NOS1AP: variants seen among roughly 807,000 people sequenced by gnomAD.
NOS1AP encodes the protein carboxyl-terminal PDZ ligand of neuronal nitric oxide synthase protein.
A neutral mutation model predicts 56.2 loss-of-function variants in NOS1AP; 21 were observed. That is an observed-to-expected ratio of 0.37 (90% CI 0.26 to 0.54). The LOEUF (loss-of-function observed/expected upper bound fraction) is 0.54. Among genes scored for constraint, NOS1AP ranks in the 20% least tolerant of loss-of-function variants. The pLI is 0.84. For missense variants in NOS1AP, 522 were observed against 657.8 expected (o/e 0.79, Z 2.26); for synonymous variants, 270 against 274.6 (o/e 0.98, Z 0.17).
At chr1:162,122,065 T>A (rs1258182490) in intron 1 of NOS1AP, among the ~76,000 whole-genome samples, 2 of 152,244 alleles carry the variant, frequency 1.3e-5, no homozygotes, top group African/African-American at 4.8e-5. Flanking sequence ...ACAAGACAAT[T>A]AATTTCAAGG....
chr1:162,298,382 C>A (rs1035572690), intron 3 of NOS1AP, among the ~76,000 whole-genome samples: 1 of 152,200 alleles, frequency 6.6e-6, no homozygotes, highest in Admixed American at 6.5e-5. Context: ...TCAGCGGATG[C>A]CATGTGGGAA....
In NOS1AP at chr1:162,365,105, T is replaced by G. The variant is rs1224357621; in HGVS notation, c.940-299T>G. On this transcript the variant is annotated intron_variant, in intron 8 of 9. Coordinates refer to ENST00000361897, the MANE Select transcript of NOS1AP (RefSeq NM_014697.3). The stretch of plus-strand genomic sequence containing the variant: ...ACGTGTGTGTGTACGTGTGTGTGTG[T>G]GGCAGGTCTAGAGGGTCGATGGCTC... 4 of 1,359,566 alleles carry G rather than the reference T, an allele frequency of 2.9e-6. No homozygotes were observed. In the African/African-American group the frequency reaches 5.9e-5, roughly 20 times the overall value. The allele number at this position is 1,359,566 out of a possible 1,614,324, so 84.2% of individuals were successfully genotyped here. A position where few individuals can be genotyped will look rare whatever the true frequency, so the allele number is the denominator to read the frequency against.
chr1:162,324,079 G>A (rs984275250), intron 4 of NOS1AP, among the ~76,000 whole-genome samples: 2 of 152,200 alleles, frequency 1.3e-5, no homozygotes, highest in African/African-American at 4.8e-5. Context: ...AGTCAAACTA[G>A]TGCCCCTAAT....
At chr1:162,154,359 C>A in intron 1 of NOS1AP, 46 bp from the exon 2 acceptor site, 1 of 1,573,192 alleles carries the variant, frequency 6.4e-7, no homozygotes, top group Non-Finnish European at 8.7e-7. Context: ...GGATTAGGGA[C>A]ACTTGCTACC....
rs1435558929 is a variant in NOS1AP at position 162,344,100 on chromosome 1, C to T, written c.595+124C>T. On this transcript the variant is annotated intron_variant, in intron 6 of 9. Transcript: ENST00000361897. ...AAGAAACATTTTATTTTTTCCGTTT[C>T]TCTCTAAATTCTAGATTCTCTTTAA... is the stretch of plus-strand genomic sequence containing the variant. 2.8e-6 allele frequency: 3 copies of T among 1,075,984 alleles called. No individual in the cohort carries two copies. The African/African-American group carries it at 4.7e-5, about 17-fold the overall frequency. The allele number at this position is 1,075,984 out of a possible 1,614,324, so 66.7% of individuals were successfully genotyped here. A position where few individuals can be genotyped will look rare whatever the true frequency, so the allele number is the denominator to read the frequency against.
At chr1:162,353,374 C>T (rs893057160) in intron 6 of NOS1AP, among the ~76,000 whole-genome samples, 49 of 152,270 alleles carry the variant, frequency 3.2e-4, no homozygotes, top group African/African-American at 1.1e-3. Context: ...CCCCCGCGCC[C>T]GGCCAAACCT....
chr1:162,310,321 G>A (rs529285785), intron 4 of NOS1AP, among the ~76,000 whole-genome samples: 1 of 152,328 alleles, frequency 6.6e-6, no homozygotes, highest in Admixed American at 6.5e-5. Flanking sequence ...CTTCTGTACT[G>A]TTTCTGTAAG....
intron 1 of NOS1AP, among the ~76,000 whole-genome samples, chr1:162,146,398 C>A (rs1256060911): frequency 1.3e-5 from 2 of 152,144 alleles, no homozygotes; most frequent in Non-Finnish European, 2.9e-5. Flanking sequence ...CAGTTGGGGT[C>A]CTGAAGACCT....
At chr1:162,101,519 T>A (rs1647261267) in intron 1 of NOS1AP, among the ~76,000 whole-genome samples, 1 of 152,216 alleles carries the variant, frequency 6.6e-6, no homozygotes, top group Non-Finnish European at 1.5e-5. Flanking sequence ...TAAATTACTT[T>A]GGGCAGTATG....
chr1:162,203,227 G>A (rs1652052184), intron 2 of NOS1AP, among the ~76,000 whole-genome samples: 1 of 152,104 alleles, frequency 6.6e-6, no homozygotes, highest in Non-Finnish European at 1.5e-5. Context: ...GCTTTAAGAG[G>A]TTGTTCATTG....
intron 8 of NOS1AP, chr1:162,365,180 C>T: frequency 7.0e-7 from 1 of 1,433,324 alleles, no homozygotes; most frequent in Non-Finnish European, 9.1e-7. Context: ...GCATCATGGC[C>T]CTCCCTTAGG....
intron 2 of NOS1AP, among the ~76,000 whole-genome samples, chr1:162,196,663 G>A (rs1651815075): frequency 6.6e-6 from 1 of 152,188 alleles, no homozygotes; most frequent in South Asian, 2.1e-4. Context: ...TGCTGGATGA[G>A]CTTCCCATTG....
chr1:162,284,271 A>G (rs983472362), intron 2 of NOS1AP, among the ~76,000 whole-genome samples: 1 of 152,238 alleles, frequency 6.6e-6, no homozygotes, highest in Non-Finnish European at 1.5e-5. Flanking sequence ...ATTTTCAGAT[A>G]CTTGATTTCC....
chr1:162,218,388 A>T (rs1272220129), intron 2 of NOS1AP, among the ~76,000 whole-genome samples: 1 of 152,184 alleles, frequency 6.6e-6, no homozygotes, highest in Non-Finnish European at 1.5e-5. Flanking sequence ...TCATAATGGC[A>T]GTGCTTTGAA....
intron 1 of NOS1AP, among the ~76,000 whole-genome samples, chr1:162,102,308 T>A (rs538350802): frequency 1.3e-5 from 2 of 152,314 alleles, no homozygotes; most frequent in South Asian, 4.1e-4. Context: ...AGCTTGATCG[T>A]GGTGGATAAG....
chr1:162,137,358 C>A (rs1649048885), intron 1 of NOS1AP, among the ~76,000 whole-genome samples: 1 of 152,176 alleles, frequency 6.6e-6, no homozygotes, highest in South Asian at 2.1e-4. Context: ...TATTGATTTG[C>A]CGTTTGCTTG....
intron 1 of NOS1AP, among the ~76,000 whole-genome samples, chr1:162,078,617 C>A (rs1008511088): frequency 2.0e-5 from 3 of 151,996 alleles, no homozygotes; most frequent in African/African-American, 4.8e-5. Context: ...TTCTCTGATC[C>A]CCCTCATCCC....
intron 3 of NOS1AP, among the ~76,000 whole-genome samples, chr1:162,292,178 T>G (rs1655301098): frequency 6.6e-6 from 1 of 152,242 alleles, no homozygotes; most frequent in African/African-American, 2.4e-5. Context: ...TGCAAAATTA[T>G]TCTTTGTCAC....
At chr1:162,096,295 G>A (rs78765095) in intron 1 of NOS1AP, among the ~76,000 whole-genome samples, 4,897 of 152,238 alleles carry the variant, frequency 0.032, 251 homozygotes, top group African/African-American at 0.11. Flanking sequence ...CCATGTCAGC[G>A]TATTTATTTA....
Sources: gnomAD v4.1 joint callset for allele counts (sites outside exome capture counted in the v4.1 genomes callset) on GRCh38, gnomAD v4.1.1 for gene constraint, MANE v1.5 for transcripts, NCBI Gene and HGNC (gene_info 2026-07-23, HGNC 2026-07-21) for gene names.